Variants in ENTPD2 observed in about 807,000 individuals in gnomAD.
ENTPD2 encodes ectonucleoside triphosphate diphosphohydrolase 2, also known as CD39 antigen-like 1.
Under a neutral mutation model 46.8 loss-of-function variants are expected in ENTPD2, and 48 were observed. The ratio of observed to expected loss-of-function variants is 1.03; its 90% confidence interval spans 0.81 to 1.30. ENTPD2 has a LOEUF of 1.30. Ranked by LOEUF, ENTPD2 falls within the 50% of genes most tolerant of loss-of-function variation. The pLI, the probability that ENTPD2 is intolerant of heterozygous loss-of-function variation, is 0.00. For missense variants in ENTPD2, 707 were observed against 651.1 expected (o/e 1.09, Z -0.93); for synonymous variants, 316 against 286.1 (o/e 1.10, Z -1.06).
Position 137,050,934 on chromosome 9 carries a change from C to G in ENTPD2, c.742G>C (p.Val248Leu). The change falls in exon 5 of 9, where the codon GTC becomes CTC. Residue 248 changes from valine to leucine, a missense_variant. By Grantham distance (32) the Val-to-Leu change is conservative. Coordinates refer to ENST00000355097, the MANE Select transcript of ENTPD2 (RefSeq NM_203468.3). The stretch of plus-strand genomic sequence containing the variant: ...GCGCTGGCCAGCAGCCTCTGGAGGA[C>G]CTGGTCACGGCCATAGCAGAGGAAG... ...HSFLCYGRDQ[V>L]LQRLLASALQ... is the part of the protein sequence containing the mutation. 1 of 1,612,316 alleles carries G rather than the reference C, an allele frequency of 6.2e-7. No homozygotes were observed. Among genetic ancestry groups the G allele is most frequent in the Non-Finnish European group, 8.5e-7 (1 of 1,180,004 alleles).
At position 137,051,231 on chromosome 9, in the gene ENTPD2, G is replaced by C; in HGVS notation, c.526C>G (p.Leu176Val). 6.2e-7 allele frequency: 1 copy of C among 1,612,844 alleles called. No homozygotes were observed. Among genetic ancestry groups the C allele is most frequent in the South Asian group, 1.1e-5 (1 of 91,078 alleles). The part of the protein sequence containing the change: ...GVFGWVTANY[L>V]LENFIKYGWV... ...CCCACCTTGATGAAGTTCTCCAGCAGGTAGTTGGCAGTCACCCAGCCAAAC... is the reference window on the plus strand; with the variant it reads ...CCCACCTTGATGAAGTTCTCCAGCACGTAGTTGGCAGTCACCCAGCCAAAC... The change falls in exon 4 of 9, where the codon CTG becomes GTG. Residue 176 changes from leucine to valine, a missense_variant. Transcript: ENST00000355097.
rs762624119 is a variant in ENTPD2, at chr9:137,050,411, A to G, written c.902T>C (p.Leu301Pro). ...GAGGTGGGGGTCACTGCTCCCTGAC[A>G]GGCTGACCCTGGCACTGCTGTTGAA... ...QNFNSSARVS[L>P]SGSSDPHLCR... The change falls in exon 6 of 9, where the codon CTG becomes CCG. Residue 301 changes from leucine (L) to proline (P), a missense_variant. Physicochemically the swap from Leu to Pro is moderately conservative, Grantham distance 98 (BLOSUM62 -3). Coordinates refer to ENST00000355097, the MANE Select transcript of ENTPD2 (RefSeq NM_203468.3). 1.9e-6 allele frequency: 3 copies of G among 1,613,010 alleles called. No individual in the cohort carries two copies. Among genetic ancestry groups the G allele is most frequent in the Non-Finnish European group, 2.5e-6 (3 of 1,180,010 alleles).
chr9:137,048,729 G>A lies in ENTPD2; in HGVS notation c.1416C>T (p.Ala472=), dbSNP rs1368579417. The A allele has an allele frequency of 3.4e-5, 55 of 1,605,912 alleles. No homozygotes were observed. Among genetic ancestry groups the A allele is most frequent in the Non-Finnish European group, 4.4e-5 (52 of 1,176,914 alleles). ...GGACAAGCGCAGCCAGGAGCGCGGA[G>A]GCGAAGAGCAGCAGGAGGACGACCC... The part of the protein sequence containing the change: ...SSWVVLLLLF[A]SALLAALVLL... Residue 472 remains alanine, a synonymous_variant, in exon 9 of 9, where the codon GCC becomes GCT. Coordinates refer to ENST00000355097, the MANE Select transcript of ENTPD2 (RefSeq NM_203468.3).
intron 5 of ENTPD2, 144 bp from the exon 6 acceptor site, chr9:137,050,682 C>T (rs1197537812): frequency 3.6e-6 from 5 of 1,370,444 alleles, no homozygotes; most frequent in Non-Finnish European, 3.9e-6. Flanking sequence ...CTTGACAGAT[C>T]CCAACGCCCC....
At position 137,052,279 on chromosome 9, in the gene ENTPD2, C is replaced by G. The variant is rs140457830; in HGVS notation, c.187G>C (p.Glu63Gln). The G allele has an allele frequency of 6.2e-7, 1 of 1,612,664 alleles. No homozygotes were observed. The highest frequency in any genetic ancestry group is 8.5e-7 in the Non-Finnish European group (1 of 1,179,872). ...TGGCCCACAATGCCTGTGTCGTTCT[C>G]CTTGTCTGCCGGCCACTTGTAGATA... ...MFIYKWPADK[E>Q]NDTGIVGQHS... Residue 63 changes from glutamate to glutamine, a missense_variant, in exon 2 of 9, where the codon GAG becomes CAG. Physicochemically the swap from Glu to Gln is conservative, Grantham distance 29. Transcript: ENST00000355097.
intron 7 of ENTPD2, 144 bp downstream of exon 7, chr9:137,049,726 A>C: frequency 2.1e-6 from 2 of 961,112 alleles, no homozygotes; most frequent in Non-Finnish European, 1.5e-6. Context: ...CAGCCACGCC[A>C]CCTCTGGAGT....
Position 137,048,399 on chromosome 9 carries a change from T to G in ENTPD2, c.*258A>C. 1 of 436,124 alleles carries G rather than the reference T, an allele frequency of 2.3e-6. No individual in the cohort carries two copies. The highest frequency in any genetic ancestry group is 4.1e-6 in the Non-Finnish European group (1 of 243,242). 27.0% of individuals were successfully genotyped at this position (436,124 alleles called of 1,614,324 possible). A position where few individuals can be genotyped will look rare whatever the true frequency, so the allele number is the denominator to read the frequency against. On this transcript the variant is annotated 3_prime_UTR_variant, in exon 9 of 9. Transcript: ENST00000355097. ...GTGGGTACCAGAGTCTCAGTTCCTA[T>G]TTCCTGGGCTGCCTTAGGGGCAGAG...
At chr9:137,049,390 G>C (rs1832213919) in intron 7 of ENTPD2, 2 of 608,614 alleles carry the variant, frequency 3.3e-6, no homozygotes, top group Non-Finnish European at 5.9e-6. Flanking sequence ...ACGAGCTCCA[G>C]GCCTGAGTCT....
At chr9:137,053,809 G>T in intron 1 of ENTPD2, 72 bp downstream of exon 1, 3 of 1,055,100 alleles carry the variant, frequency 2.8e-6, no homozygotes, top group Non-Finnish European at 3.6e-6. Flanking sequence ...CAGGTTCCCA[G>T]CCGCACCCCC....
intron 5 of ENTPD2, 39 bp from the exon 6 acceptor site, chr9:137,050,577 C>T (rs771886410): frequency 3.3e-5 from 53 of 1,599,998 alleles, no homozygotes; most frequent in African/African-American, 8.0e-5. Flanking sequence ...GCACCACCAC[C>T]GCTCCAGAGG....
chr9:137,052,203 G>C, intron 2 of ENTPD2, 28 bp downstream of exon 2: 1 of 1,601,246 alleles, frequency 6.2e-7, no homozygotes, highest in Non-Finnish European at 8.5e-7. Flanking sequence ...GTGAGTGGGC[G>C]TCCTGGCTGG....
chr9:137,049,756 G>C lies in ENTPD2; in HGVS notation c.1149+114C>G, dbSNP rs973487149. ...TGGAGTCAGCCTAATGCCTGCCATC[G>C]CCCCCACTGCAGCGGGTGCTCCGAG... On this transcript the variant is annotated intron_variant, in intron 7 of 8. Transcript: ENST00000355097. 1.1e-5 allele frequency: 13 copies of C among 1,219,112 alleles called. No homozygotes were observed. In the African/African-American group the frequency reaches 1.5e-4, roughly 14 times the overall value. 75.5% of individuals were successfully genotyped at this position (1,219,112 alleles called of 1,614,324 possible).
chr9:137,051,783 G>T, intron 2 of ENTPD2, 123 bp from the exon 3 acceptor site: 2 of 1,393,352 alleles, frequency 1.4e-6, no homozygotes, highest in Non-Finnish European at 1.9e-6. Context: ...CACCTTCCCT[G>T]CTTAAGCCCC....
rs1437306003 is a variant in ENTPD2, at chr9:137,048,218, C to T, written c.*439G>A. The stretch of plus-strand genomic sequence containing the variant: ...GACCCAGACTACACAGAAGGAGCCT[C>T]TAAGGGCTGATTCTCAGGACCAAGG... On this transcript the variant is annotated 3_prime_UTR_variant, in exon 9 of 9. Coordinates refer to ENST00000355097, the MANE Select transcript of ENTPD2 (RefSeq NM_203468.3). 2 of 173,068 alleles carry T rather than the reference C, an allele frequency of 1.2e-5. No homozygotes were observed. Among genetic ancestry groups the T allele is most frequent in the Non-Finnish European group, 2.5e-5 (2 of 80,526 alleles). 10.7% of individuals were successfully genotyped at this position (173,068 alleles called of 1,614,324 possible).
intron 2 of ENTPD2, among the ~76,000 whole-genome samples, chr9:137,051,958 ACCT>A (rs1358966732): frequency 4.6e-5 from 7 of 151,822 alleles, no homozygotes; most frequent in Non-Finnish European, 7.4e-5. Context: ...AGGCCCCCAG[ACCT>A]CCTCCTGCTC....
At chr9:137,049,122 C>T (rs955088455) in intron 7 of ENTPD2, 47 bp from the exon 8 acceptor site, 3 of 1,532,228 alleles carry the variant, frequency 2.0e-6, no homozygotes, top group East Asian at 2.5e-5. Flanking sequence ...ACCAGGAGGT[C>T]TCGGCCCCAC....
intron 8 of ENTPD2, 27 bp downstream of exon 8, chr9:137,048,914 G>GCCCCCCCCCC: frequency 8.2e-6 from 12 of 1,471,984 alleles, no homozygotes; most frequent in Non-Finnish European, 9.9e-6. Context: ...CGCAAGGTCG[G>GCCCCCCCCCC]CCCCGCCCCG....
chr9:137,048,986 G>GAC lies in ENTPD2; in HGVS notation c.1238_1239insGT (p.Tyr413Ter), dbSNP rs1387019062. 2.1e-5 allele frequency: 32 copies of GAC among 1,527,080 alleles called. No homozygotes were observed. Among genetic ancestry groups the GAC allele is most frequent in the African/African-American group, 1.8e-4 (13 of 71,950 alleles). 94.6% of individuals were successfully genotyped at this position (1,527,080 alleles called of 1,614,324 possible). A position where few individuals can be genotyped will look rare whatever the true frequency, so the allele number is the denominator to read the frequency against. The change falls in exon 8 of 9, where the codon TAC (tyrosine) becomes TAGTC (stop). Residue 413 changes from tyrosine to a stop codon, truncating the protein, a stop_gained and frameshift_variant. Coordinates refer to ENST00000355097, the MANE Select transcript of ENTPD2 (RefSeq NM_203468.3). LOFTEE classifies it low-confidence loss of function (END_TRUNC). ...MFVQQLLSRG[Y>*]GFDERAFGGV... ...CGCCGAAGGCGCGCTCGTCGAAGCC[G>GAC]TAGCCGCGACTCAGCAGCTGCTGCA... is the stretch of plus-strand genomic sequence containing the variant.
rs753237383 is a variant in ENTPD2, at chr9:137,048,913, G to GGCCCC, written c.1284+23_1284+27dup. 2.3e-4 allele frequency: 336 copies of GGCCCC among 1,478,524 alleles called. No homozygotes were observed. The East Asian group carries it at 2.9e-3, about 13-fold the overall frequency. 91.6% of individuals were successfully genotyped at this position (1,478,524 alleles called of 1,614,324 possible). ...CCGAGAGGCCCCGCCCCGCAAGGTC[G>GGCCCC]GCCCCGCCCCGCCCCGCCCCAGCCC... is the stretch of plus-strand genomic sequence containing the variant. On this transcript the variant is annotated intron_variant, in intron 8 of 8. Transcript: ENST00000355097.
Sources: gnomAD v4.1 joint callset for allele counts (sites outside exome capture counted in the v4.1 genomes callset) on GRCh38, gnomAD v4.1.1 for gene constraint, MANE v1.5 for transcripts, NCBI Gene and HGNC (gene_info 2026-07-23, HGNC 2026-07-21) for gene names.